Variants in MYO16 observed in about 807,000 individuals in gnomAD.
The protein encoded by MYO16 is unconventional myosin-XVI.
MYO16 carries 94 observed loss-of-function variants against 205.3 expected under a neutral mutation model. The ratio of observed to expected loss-of-function variants is 0.46; its 90% CI spans 0.39 to 0.54. The LOEUF is 0.54. Among genes scored for constraint, MYO16 ranks in the 20% least tolerant of loss-of-function variants. MYO16 has a pLI of 0.00. For missense variants in MYO16, 2,315 were observed against 2,387.5 expected (o/e 0.97, Z 0.63); for synonymous variants, 988 against 954.0 (o/e 1.04, Z -0.66).
chr13:109,190,581 T>C (rs1879868596), intron 34 of MYO16, among the ~76,000 whole-genome samples: 1 of 152,216 alleles, frequency 6.6e-6, no homozygotes, highest in Non-Finnish European at 1.5e-5. Context: ...CTGACTGATA[T>C]ATTATTCCCT....
chr13:108,809,750 C>CTA (rs1206545478), intron 7 of MYO16, among the ~76,000 whole-genome samples: 2 of 152,342 alleles, frequency 1.3e-5, no homozygotes. Flanking sequence ...AACATCCAAA[C>CTA]TATATCAGGC....
rs1555325091 is a variant in MYO16 at position 109,022,731 on chromosome 13, A to ATACATT, written c.2796+2822_2796+2823insCATTTA. 1.9e-5 allele frequency among the ~76,000 whole-genome samples: 2 copies of ATACATT among 104,340 alleles called. 1 individual carries two copies. The highest frequency in any genetic ancestry group is 5.6e-4 in the East Asian group (2 of 3,558). 68.5% of individuals were successfully genotyped at this position (104,340 alleles called of 152,430 possible). A position where few individuals can be genotyped will look rare whatever the true frequency, so the allele number is the denominator to read the frequency against. ...TATATATACGCATATAAACATATGT[A>ATACATT]TATATTATATATATGCATATAAACA... is the stretch of plus-strand genomic sequence containing the variant. On this transcript the variant is annotated intron_variant, in intron 23 of 34. Coordinates refer to ENST00000457511, the MANE Select transcript of MYO16 (RefSeq NM_001198950.3).
the MYO16 span, among the ~76,000 whole-genome samples, chr13:108,542,375 T>G: frequency 6.6e-6 from 1 of 152,188 alleles, no homozygotes. Flanking sequence ...ATATGCTTAG[T>G]ATCTGCGTGA....
intron 16 of MYO16, among the ~76,000 whole-genome samples, chr13:108,931,643 T>G (rs944892042): frequency 6.6e-6 from 1 of 152,192 alleles, no homozygotes; most frequent in African/African-American, 2.4e-5. Context: ...GGACCCTGAC[T>G]TAAGAAACAT....
rs535967620 is a variant in MYO16 at position 109,016,268 on chromosome 13, C to T, written c.2596-3443C>T. On this transcript the variant is annotated intron_variant, in intron 22 of 34. Transcript: ENST00000457511. ...GTTGTTCAGTTTCCATGTAGTTGAGCGGTTTTGAGTGAGTTTCTTAATCCT... is the reference window on the plus strand; with the variant it reads ...GTTGTTCAGTTTCCATGTAGTTGAGTGGTTTTGAGTGAGTTTCTTAATCCT... Among the ~76,000 whole-genome samples the T allele has an allele frequency of 3.3e-5, 5 of 152,198 alleles. No individual in the cohort carries two copies. The South Asian group carries it at 8.3e-4, about 25-fold the overall frequency.
intron 21 of MYO16, among the ~76,000 whole-genome samples, chr13:109,004,397 A>G (rs1016551401): frequency 1.3e-5 from 2 of 152,200 alleles, no homozygotes; most frequent in African/African-American, 4.8e-5. Context: ...TTCCTTTATA[A>G]CAAAATTACC....
chr13:109,177,522 T>A (rs1566550240), intron 33 of MYO16, among the ~76,000 whole-genome samples: 1 of 151,966 alleles, frequency 6.6e-6, no homozygotes, highest in Non-Finnish European at 1.5e-5. Flanking sequence ...TATTTATTAT[T>A]TATTTATTTA....
At chr13:108,690,455 A>G (rs1037749695) in intron 2 of MYO16, among the ~76,000 whole-genome samples, 2 of 64,912 alleles carry the variant, frequency 3.1e-5, no homozygotes, top group Non-Finnish European at 5.8e-5. Context: ...AAACATTGGG[A>G]ACAACATTTT....
intron 4 of MYO16, among the ~76,000 whole-genome samples, chr13:108,739,708 C>A (rs1222886616): frequency 6.6e-6 from 1 of 152,212 alleles, no homozygotes; most frequent in South Asian, 2.1e-4. Context: ...GGAAGTTCTT[C>A]TGGATAATAT....
intron 14 of MYO16, among the ~76,000 whole-genome samples, chr13:108,890,169 C>A (rs2139185651): frequency 1.4e-5 from 2 of 139,928 alleles, no homozygotes; most frequent in South Asian, 4.5e-4. Flanking sequence ...GTCTCGAACT[C>A]CTGGGCTCAA....
At chr13:108,842,407 G>A (rs76994394) in intron 9 of MYO16, among the ~76,000 whole-genome samples, 153 of 151,996 alleles carry the variant, frequency 1.0e-3, no homozygotes, top group Non-Finnish European at 1.8e-3. Flanking sequence ...AACTCACACA[G>A]CTCACTGTAA....
At position 109,125,712 on chromosome 13, in the gene MYO16, C is replaced by T. The variant is rs796620381; in HGVS notation, c.3782+354C>T. The stretch of plus-strand genomic sequence containing the variant: ...TGTTGACATTTTTACACAAGCGTTA[C>T]GGATATAAGGCTGGCTTATAGAAAC... On this transcript the variant is annotated intron_variant, in intron 30 of 34. Transcript: ENST00000457511. The surrounding 1 kb of genome is among the most constrained non-coding windows in gnomAD (Gnocchi z 4.0). 1.6e-4 allele frequency among the ~76,000 whole-genome samples: 24 copies of T among 152,262 alleles called. No individual in the cohort carries two copies. Among genetic ancestry groups the T allele is most frequent in the Admixed American group, 5.9e-4 (9 of 15,302 alleles).
intron 2 of MYO16, among the ~76,000 whole-genome samples, chr13:108,687,214 A>C (rs1335094433): frequency 2.6e-5 from 4 of 152,228 alleles, no homozygotes; most frequent in Non-Finnish European, 4.4e-5. Context: ...TAGAATATAA[A>C]TCTCACTTCT....
At chr13:108,712,599 T>G in intron 2 of MYO16, 62 bp from the exon 3 acceptor site, 2 of 1,415,550 alleles carry the variant, frequency 1.4e-6, no homozygotes, top group South Asian at 1.1e-5. Context: ...AGCCTACACA[T>G]TTGGTTCCAC....
intron 10 of MYO16, among the ~76,000 whole-genome samples, chr13:108,845,605 C>G (rs545033815): frequency 6.6e-6 from 1 of 152,284 alleles, no homozygotes; most frequent in East Asian, 1.9e-4. Context: ...CTTATAGGCT[C>G]TATCTCCAAA....
intron 21 of MYO16, among the ~76,000 whole-genome samples, chr13:109,004,723 A>G (rs1479870217): frequency 6.6e-6 from 1 of 152,182 alleles, no homozygotes; most frequent in Non-Finnish European, 1.5e-5. Flanking sequence ...TTGATGGAAT[A>G]ATTCAAGAGG....
intron 33 of MYO16, among the ~76,000 whole-genome samples, chr13:109,169,388 A>T (rs1878836366): frequency 6.6e-6 from 1 of 152,234 alleles, no homozygotes; most frequent in South Asian, 2.1e-4. Flanking sequence ...ATGTGAAGGG[A>T]TAGAAAGGAA....
the MYO16 span, among the ~76,000 whole-genome samples, chr13:108,517,779 A>G: frequency 1.3e-5 from 2 of 152,144 alleles, no homozygotes; most frequent in Non-Finnish European, 2.9e-5. Context: ...AATACCTTAG[A>G]CTTGCTAATT....
chr13:109,163,674 A>G (rs1878500220), intron 32 of MYO16, among the ~76,000 whole-genome samples: 1 of 152,286 alleles, frequency 6.6e-6, no homozygotes, highest in South Asian at 2.1e-4. Flanking sequence ...TGGAAATGAC[A>G]TAATCCAATT....
Sources: gnomAD v4.1 joint callset for allele counts (sites outside exome capture counted in the v4.1 genomes callset) on GRCh38, gnomAD v4.1.1 for gene constraint, Gnocchi (gnomAD v3.1) non-coding constraint, MANE v1.5 for transcripts, NCBI Gene and HGNC (gene_info 2026-07-23, HGNC 2026-07-21) for gene names.